The following C5orf47 variants were observed in gnomAD, a reference collection of about 807,000 sequenced individuals.
C5orf47 encodes chromosome 5 open reading frame 47.
Under a neutral mutation model 20.6 loss-of-function variants are expected in C5orf47, and 20 were observed. The ratio of observed to expected loss-of-function variants is 0.97; its 90% CI spans 0.68 to 1.41. The LOEUF is 1.41. Among genes scored for constraint, C5orf47 ranks in the 40% most tolerant of loss-of-function variants. The pLI is 0.00. For synonymous variants in C5orf47, 106 were observed against 97.3 expected, an observed-to-expected ratio of 1.09 and a Z score of -0.53; for missense variants, 262 against 238.4, an observed-to-expected ratio of 1.10 and a Z score of -0.65.
intron 4 of C5orf47, among the ~76,000 whole-genome samples, chr5:174,002,008 T>C (rs763949735): frequency 1.5e-4 from 23 of 151,442 alleles, no homozygotes; most frequent in African/African-American, 2.2e-4. Flanking sequence ...ACCTGGAGTA[T>C]AGTGACTCAA....
rs1382178600 is a variant in C5orf47 at position 173,989,313 on chromosome 5, A to G, written c.50A>G (p.Tyr17Cys). ...GREQDSARFVYVTRFGSHQCS... is the reference protein window; with the variant it reads ...GREQDSARFVCVTRFGSHQCS... The stretch of plus-strand genomic sequence containing the variant: ...GAGCAGGACTCGGCGCGCTTCGTCT[A>G]TGTGACGCGCTTCGGCTCGCATCAG... Residue 17 changes from tyrosine to cysteine, a missense_variant, in exon 1 of 5, where the codon TAT (tyrosine) becomes TGT (cysteine). Coordinates refer to ENST00000340147, the MANE Select transcript of C5orf47 (RefSeq NM_001144954.2). 4 of 1,416,358 alleles carry G rather than the reference A, an allele frequency of 2.8e-6. No homozygotes were observed. The highest frequency in any genetic ancestry group is 5.7e-5 in the East Asian group (2 of 35,152). 87.7% of individuals were successfully genotyped at this position (1,416,358 alleles called of 1,614,324 possible).
chr5:173,989,528 G>T lies in C5orf47; in HGVS notation c.265G>T (p.Ala89Ser). ...CCCTGGTGTGGAGGCTGCGGCCTCT[G>T]CCTCCTCCCAGCTGCGGGCATCGAG... ...TTPGVEAAAS[A>S]SSQLRASRVQ... Residue 89 changes from alanine to serine, a missense_variant, in exon 1 of 5, where the codon GCC becomes TCC. By Grantham distance (99) the Ala-to-Ser change is moderately conservative. Coordinates refer to ENST00000340147, the MANE Select transcript of C5orf47 (RefSeq NM_001144954.2). 6.5e-7 allele frequency: 1 copy of T among 1,530,254 alleles called. No homozygotes were observed. Among genetic ancestry groups the T allele is most frequent in the Non-Finnish European group, 8.8e-7 (1 of 1,137,968 alleles). The allele number at this position is 1,530,254 out of a possible 1,614,324, so 94.8% of individuals were successfully genotyped here.
downstream of C5orf47, among the ~76,000 whole-genome samples, chr5:174,009,314 G>A (rs1278162986): frequency 6.9e-6 from 1 of 145,824 alleles, no homozygotes; most frequent in African/African-American, 2.4e-5. Context: ...TGGCCACCCA[G>A]GAACTCTCGT....
intron 1 of C5orf47, among the ~76,000 whole-genome samples, chr5:173,991,493 T>C (rs1035644164): frequency 1.3e-5 from 2 of 151,314 alleles, no homozygotes; most frequent in African/African-American, 4.9e-5. Flanking sequence ...TCCATACTTA[T>C]TTTTTCAGTG....
chr5:174,007,379 C>G (rs1269885479), downstream of C5orf47, among the ~76,000 whole-genome samples: 1 of 152,158 alleles, frequency 6.6e-6, no homozygotes, highest in African/African-American at 2.4e-5. Flanking sequence ...AATAGTAGCT[C>G]TGAACACAGC....
intron 4 of C5orf47, among the ~76,000 whole-genome samples, chr5:174,003,956 G>C (rs1189605225): frequency 6.6e-6 from 1 of 152,162 alleles, no homozygotes; most frequent in Admixed American, 6.5e-5. Context: ...CAATGGCCTT[G>C]GTTGTGAGTA....
intron 1 of C5orf47, among the ~76,000 whole-genome samples, chr5:173,991,596 A>G (rs908805967): frequency 4.7e-5 from 7 of 148,558 alleles, no homozygotes; most frequent in African/African-American, 1.7e-4. Flanking sequence ...AGATTTGTTT[A>G]TTAATATGGA....
chr5:173,992,662 G>A (rs1442254559), intron 1 of C5orf47, among the ~76,000 whole-genome samples: 4 of 152,010 alleles, frequency 2.6e-5, no homozygotes, highest in East Asian at 3.9e-4. Flanking sequence ...TAGTGTTTTC[G>A]TTGTCACTAT....
At chr5:173,993,959 T>TA (rs1759043002) in intron 1 of C5orf47, among the ~76,000 whole-genome samples, 1 of 152,218 alleles carries the variant, frequency 6.6e-6, no homozygotes, top group Non-Finnish European at 1.5e-5. Context: ...TCCTGTAGTA[T>TA]AAAAGTCCAC....
At chr5:173,998,540 CTG>C (rs1759140162) in intron 2 of C5orf47, among the ~76,000 whole-genome samples, 1 of 152,080 alleles carries the variant, frequency 6.6e-6, no homozygotes, top group African/African-American at 2.4e-5. Flanking sequence ...ATATAATAAA[CTG>C]TGATAGATAA....
At chr5:173,998,283 C>T (rs1243246332) in intron 2 of C5orf47, 45 bp downstream of exon 2, 1 of 992,764 alleles carries the variant, frequency 1.0e-6, no homozygotes, top group Non-Finnish European at 1.5e-6. Context: ...AATTTTAGAT[C>T]ATCCTCTCTA....
chr5:173,990,308 C>T (rs1254533915), intron 1 of C5orf47, among the ~76,000 whole-genome samples: 3 of 69,506 alleles, frequency 4.3e-5, no homozygotes, highest in East Asian at 7.1e-4. Flanking sequence ...ACATGGGGGG[C>T]GGGGGGGTCT....
rs1187820258 is a variant in C5orf47, at chr5:173,989,276, G to C, written c.13G>C (p.Gly5Arg). 2.2e-6 allele frequency: 3 copies of C among 1,386,218 alleles called. No homozygotes were observed. Among genetic ancestry groups the C allele is most frequent in the Middle Eastern group, 1.9e-4 (1 of 5,326 alleles). 85.9% of individuals were successfully genotyped at this position (1,386,218 alleles called of 1,614,324 possible). Reference protein sequence around the residue: MAAAGRGREQDSARF... With the variant: MAAARRGREQDSARF... Reference sequence around the variant, plus strand: ...GACTGAGGCTGCGATGGCGGCGGCAGGCCGGGGTCGGGAGCAGGACTCGGC... The same window carrying C: ...GACTGAGGCTGCGATGGCGGCGGCACGCCGGGGTCGGGAGCAGGACTCGGC... The change falls in exon 1 of 5, where the codon GGC becomes CGC. Residue 5 changes from glycine (G) to arginine (R), a missense_variant. Physicochemically the swap from Gly to Arg is moderately radical, Grantham distance 125. Transcript: ENST00000340147.
chr5:174,002,296 A>G (rs1008652302), intron 4 of C5orf47, among the ~76,000 whole-genome samples: 3 of 152,134 alleles, frequency 2.0e-5, no homozygotes, highest in Non-Finnish European at 4.4e-5. Context: ...GAGCAAATTC[A>G]TGGAGTCAAG....
At position 174,005,082 on chromosome 5, in the gene C5orf47, G is replaced by C. The variant is rs1759265346; in HGVS notation, c.*828G>C. ...CCGCCAGTTTTTCTGCTTTTTTGCT[G>C]GTACGATCTCTCTTTCTAAATTGAA... On this transcript the variant is annotated 3_prime_UTR_variant, in exon 5 of 5. Transcript: ENST00000340147. 1 of 151,946 alleles carries C rather than the reference G, an allele frequency of 6.6e-6. No homozygotes were observed. The highest frequency in any genetic ancestry group is 2.1e-4 in the South Asian group (1 of 4,820). 9.4% of individuals were successfully genotyped at this position (151,946 alleles called of 1,614,324 possible). A position where few individuals can be genotyped will look rare whatever the true frequency, so the allele number is the denominator to read the frequency against.
chr5:174,009,231 C>G (rs1273323724), downstream of C5orf47, among the ~76,000 whole-genome samples: 1 of 150,210 alleles, frequency 6.7e-6, no homozygotes, highest in African/African-American at 2.4e-5. Flanking sequence ...AAATAATCCT[C>G]CAGTGTCCTG....
At chr5:173,997,522 G>T (rs76919937) in intron 1 of C5orf47, among the ~76,000 whole-genome samples, 2,593 of 152,242 alleles carry the variant, frequency 0.017, 29 homozygotes, top group South Asian at 0.025. Context: ...GACACACATG[G>T]CCATTGCCCT....
At chr5:174,003,269 G>A (rs1483589761) in intron 4 of C5orf47, among the ~76,000 whole-genome samples, 1 of 152,160 alleles carries the variant, frequency 6.6e-6, no homozygotes, top group Non-Finnish European at 1.5e-5. Context: ...GATTTGGAAT[G>A]GAGGTGAAAT....
intron 1 of C5orf47, 40 bp downstream of exon 1, chr5:173,989,628 C>T (rs1018685459): frequency 5.5e-6 from 7 of 1,274,770 alleles, no homozygotes; most frequent in Admixed American, 3.6e-5. Flanking sequence ...CGCGGCGGGG[C>T]GGGACGGGGC....
Sources: gnomAD v4.1 joint callset for allele counts (sites outside exome capture counted in the v4.1 genomes callset) on GRCh38, gnomAD v4.1.1 for gene constraint, MANE v1.5 for transcripts, NCBI Gene and HGNC (gene_info 2026-07-23, HGNC 2026-07-21) for gene names.